MYH7: variants seen among roughly 807,000 people sequenced by gnomAD.
The protein encoded by MYH7 is myosin heavy chain 7.
In MYH7, 129 loss-of-function variants were observed where a neutral mutation model predicts 225.4. That is an observed-to-expected ratio of 0.57 (90% CI 0.50 to 0.66). The LOEUF (loss-of-function observed/expected upper bound fraction) is 0.66. MYH7 is among the 30% of genes least tolerant of loss of function. The probability of loss-of-function intolerance (pLI) is 0.00; values close to 1 mark genes in which losing one functional copy is unlikely to be tolerated. For synonymous variants in MYH7, 971 were observed against 1,007.6 expected (o/e 0.96, Z 0.69); for missense variants, 1,649 against 2,517.0 (o/e 0.66, Z 7.38).
chr14:23,420,888 T>G, intron 26 of MYH7, 70 bp downstream of exon 26: 1 of 1,182,288 alleles, frequency 8.5e-7, no homozygotes, highest in Non-Finnish European at 1.3e-6. Flanking sequence ...CAGGACACCC[T>G]AGAGGAGGGG....
At chr14:23,428,709 G>A (rs905876234) in intron 14 of MYH7, 39 bp from the exon 15 acceptor site, 4 of 1,613,250 alleles carry the variant, frequency 2.5e-6, no homozygotes, top group Admixed American at 3.3e-5. Context: ...TCAGAAAGTG[G>A]GTGTGAGTGG....
chr14:23,430,721 C>A, intron 10 of MYH7, 58 bp from the exon 11 acceptor site: 1 of 1,452,068 alleles, frequency 6.9e-7, no homozygotes, highest in Non-Finnish European at 9.7e-7. Flanking sequence ...ATGGAGGCTG[C>A]TCGCCACAGC....
rs759697614 is a variant in MYH7 at position 23,424,749 on chromosome 14, C to T, written c.2679+20G>A. ...AGGCAGAGCAGGGTGGAAGAGCCAA[C>T]AGTAGCCCAGGAGCCTCACCGCCTG... On this transcript the variant is annotated intron_variant, in intron 22 of 39. Coordinates refer to ENST00000355349, the MANE Select transcript of MYH7 (RefSeq NM_000257.4). 2 of 1,613,562 alleles carry T rather than the reference C, an allele frequency of 1.2e-6. No individual in the cohort carries two copies. Among genetic ancestry groups the T allele is most frequent in the African/African-American group, 1.3e-5 (1 of 74,906 alleles).
intron 11 of MYH7, 24 bp downstream of exon 11, chr14:23,430,536 C>A (rs1400858011): frequency 6.3e-7 from 1 of 1,583,822 alleles, no homozygotes; most frequent in East Asian, 2.2e-5. Context: ...CTCCCACCCC[C>A]TGGCTGGGTC....
Position 23,425,565 on chromosome 14 carries a change from C to A in MYH7, c.2286+130G>T. 6.3e-7 allele frequency: 1 copy of A among 1,578,012 alleles called. No individual in the cohort carries two copies. ...TGGAGCTGGGATGAGGGGAGTGGTG[C>A]TAGATGTTCCACTGGGAGGGGTAGC... On this transcript the variant is annotated intron_variant, in intron 20 of 39. Coordinates refer to ENST00000355349, the MANE Select transcript of MYH7 (RefSeq NM_000257.4). This position sits in a 1 kb window ranked among gnomAD's most constrained non-coding sequence, Gnocchi z 4.6.
chr14:23,417,072 G>A (rs1595074519), intron 32 of MYH7, 80 bp from the exon 33 acceptor site: 18 of 1,613,804 alleles, frequency 1.1e-5, no homozygotes, highest in South Asian at 6.6e-5. Flanking sequence ...TTGCCCAGAC[G>A]CCTCTTGGAG....
At position 23,423,969 on chromosome 14, in the gene MYH7, T is replaced by A; in HGVS notation, c.2860A>T (p.Ile954Phe). Residue 954 changes from isoleucine (I) to phenylalanine (F), a missense_variant, in exon 23 of 40, where the codon ATC becomes TTC. Transcript: ENST00000355349. ...EDECSELKRD[I>F]DDLELTLAKV... is the part of the protein sequence containing the mutation. ...GCCAGTGTCAGCTCCAGATCATCGA[T>A]GTCCCTTTTGAGCTCTGAGCACTCA... is the stretch of plus-strand genomic sequence containing the variant. The A allele has an allele frequency of 6.2e-7, 1 of 1,614,252 alleles. No homozygotes were observed. Among genetic ancestry groups the A allele is most frequent in the Non-Finnish European group, 8.5e-7 (1 of 1,180,046 alleles).
chr14:23,419,116 T>C, intron 29 of MYH7, 61 bp downstream of exon 29: 2 of 1,423,580 alleles, frequency 1.4e-6, no homozygotes. Context: ...GGAAGTGATT[T>C]GATGCAAGGC....
In MYH7 at chr14:23,427,258, A is replaced by C. The variant is rs1892729547; in HGVS notation, c.1938T>G (p.Thr646=). 6.2e-6 allele frequency: 10 copies of C among 1,614,076 alleles called. No individual in the cohort carries two copies. Among genetic ancestry groups the C allele is most frequent in the African/African-American group, 1.3e-5 (1 of 75,046 alleles). The part of the protein sequence containing the change: ...GKAKKGSSFQ[T]VSALHRENLN... ...CACTCACCCTGTGCAGAGCTGACACAGTCTGAAAGGACGAGCCTTTCTTGG... is the reference window on the plus strand; with the variant it reads ...CACTCACCCTGTGCAGAGCTGACACCGTCTGAAAGGACGAGCCTTTCTTGG... Residue 646 remains threonine (T), a synonymous_variant, in exon 17 of 40, where the codon ACT becomes ACG. Coordinates refer to ENST00000355349, the MANE Select transcript of MYH7 (RefSeq NM_000257.4).
rs4048657 is a variant in MYH7, at chr14:23,413,566, CAA to C, written c.5790+191_5790+192del. ...TGGGCGGCAGAGTGAGACACCGTCT[CAA>C]AAAAAAAAAAAAAAAAAGTTAGAGC... is the stretch of plus-strand genomic sequence containing the variant. On this transcript the variant is annotated intron_variant, in intron 39 of 39. Transcript: ENST00000355349. 0.32 allele frequency among the ~76,000 whole-genome samples: 35,241 copies of C among 109,176 alleles called. 4,412 individuals are homozygous for C. Among genetic ancestry groups the C allele is most frequent in the African/African-American group, 0.35 (11,957 of 34,164 alleles). 71.6% of individuals were successfully genotyped at this position (109,176 alleles called of 152,430 possible).
Position 23,427,300 on chromosome 14 carries a change from C to A in MYH7, c.1896G>T (p.Glu632Asp), listed in dbSNP as rs781662393. 1 of 1,614,112 alleles carries A rather than the reference C, an allele frequency of 6.2e-7. No individual in the cohort carries two copies. The highest frequency in any genetic ancestry group is 1.7e-5 in the Admixed American group (1 of 60,020). The change falls in exon 17 of 40, where the codon GAG becomes GAT. Residue 632 changes from glutamate (E) to aspartate (D), a missense_variant. Transcript: ENST00000355349. ...ANYAGADAPI[E>D]KGKGKAKKGS... ...CTTTCTTGGCCTTGCCTTTGCCCTT[C>A]TCAATAGCTGCAGGAAGGAGAGTCA...
intron 9 of MYH7, 102 bp downstream of exon 9, chr14:23,431,316 G>T: frequency 1.7e-6 from 2 of 1,185,950 alleles, no homozygotes; most frequent in South Asian, 1.2e-5. Flanking sequence ...ACTTAAAGAG[G>T]AGAAAAACAG....
At position 23,431,492 on chromosome 14, in the gene MYH7, G is replaced by A. The variant is rs1191858525; in HGVS notation, c.733-11C>T. ...TCGAATGAATTTCCCCTGGAGAGATGGAAGAGAGTGGTGATGAGTTGGGGG... is the reference window on the plus strand; with the variant it reads ...TCGAATGAATTTCCCCTGGAGAGATAGAAGAGAGTGGTGATGAGTTGGGGG... On this transcript the variant is annotated splice_polypyrimidine_tract_variant and intron_variant, in intron 8 of 39. Coordinates refer to ENST00000355349, the MANE Select transcript of MYH7 (RefSeq NM_000257.4). 7 of 1,614,048 alleles carry A rather than the reference G, an allele frequency of 4.3e-6. No homozygotes were observed. The highest frequency in any genetic ancestry group is 2.7e-5 in the African/African-American group (2 of 74,926).
In MYH7 at chr14:23,423,567, G is replaced by T; in HGVS notation, c.3079C>A (p.Leu1027Met). The T allele has an allele frequency of 6.2e-7, 1 of 1,613,666 alleles. No individual in the cohort carries two copies. Among genetic ancestry groups the T allele is most frequent in the Non-Finnish European group, 8.5e-7 (1 of 1,179,992 alleles). The change falls in exon 24 of 40, where the codon CTG (leucine) becomes ATG (methionine). Residue 1027 changes from leucine to methionine, a missense_variant. This residue lies in a region of MYH7 where 282 missense variants were observed against 315.3 expected (regional missense o/e 0.89). Coordinates refer to ENST00000355349, the MANE Select transcript of MYH7 (RefSeq NM_000257.4). ...VNTLTKAKVK[L>M]EQQVDDLEGS... ...CTCACATCATCCACTTGCTGCTCCA[G>T]CTTGACTTTGGCCTTAGTCAGGGTG... is the stretch of plus-strand genomic sequence containing the variant.
At chr14:23,413,974 C>G (rs1233845293) in intron 38 of MYH7, 33 bp downstream of exon 38, 2 of 1,613,942 alleles carry the variant, frequency 1.2e-6, no homozygotes, top group Non-Finnish European at 1.7e-6. Flanking sequence ...TCCTATGCCT[C>G]CCCTGGGCCT....
chr14:23,429,839 G>A lies in MYH7; in HGVS notation c.1074C>T (p.His358=). Residue 358 remains histidine, a synonymous_variant, in exon 12 of 40, where the codon CAC becomes CAT. Transcript: ENST00000355349. ...SMYKLTGAIM[H]FGNMKFKLKQ... Reference sequence around the variant, plus strand: ...TCAGCTTGAACTTCATGTTTCCAAAGTGCATGATGGCGCCTGTCAGCTTAT... The same window carrying A: ...TCAGCTTGAACTTCATGTTTCCAAAATGCATGATGGCGCCTGTCAGCTTAT... The A allele has an allele frequency of 6.2e-7, 1 of 1,614,042 alleles. No individual in the cohort carries two copies.
chr14:23,422,988 G>A (rs1892541279), intron 24 of MYH7, among the ~76,000 whole-genome samples: 1 of 152,182 alleles, frequency 6.6e-6, no homozygotes, highest in Admixed American at 6.5e-5. Flanking sequence ...TCTGTGCTAA[G>A]CACTGCAGTC....
chr14:23,421,985 G>A (rs1892489563), intron 25 of MYH7, among the ~76,000 whole-genome samples, 195 bp downstream of exon 25: 1 of 152,180 alleles, frequency 6.6e-6, no homozygotes, highest in Admixed American at 6.5e-5. Context: ...TTTTTGCCAG[G>A]GAGGACCATC....
chr14:23,435,561 C>A (rs1458984096), intron 1 of MYH7, 59 bp downstream of exon 1: 1 of 152,450 alleles, frequency 6.6e-6, no homozygotes, highest in Non-Finnish European at 1.5e-5. Context: ...CAAGAGGAAT[C>A]CCTTCCTAAG....
Sources: gnomAD v4.1 joint callset for allele counts (sites outside exome capture counted in the v4.1 genomes callset) on GRCh38, gnomAD v4.1.1 for gene constraint, gnomAD v4.1.1 regional missense constraint, Gnocchi (gnomAD v3.1) non-coding constraint, MANE v1.5 for transcripts, NCBI Gene and HGNC (gene_info 2026-07-23, HGNC 2026-07-21) for gene names.